The following LRRC37A2 variants were observed in gnomAD, a reference collection of about 807,000 sequenced individuals.
The protein encoded by LRRC37A2 is leucine-rich repeat-containing protein 37A2.
Under a neutral mutation model 68.8 loss-of-function variants are expected in LRRC37A2, and 9 were observed. The observed-to-expected ratio is 0.13, with a 90% CI of 0.08 to 0.23. LRRC37A2 has a LOEUF of 0.23. Among genes scored for constraint, LRRC37A2 ranks in the 10% least tolerant of loss-of-function variants. The pLI, the probability that LRRC37A2 is intolerant of heterozygous loss-of-function variation, is 1.00. For missense variants in LRRC37A2, 168 were observed against 950.4 expected (o/e 0.18, Z 10.82); for synonymous variants, 63 against 367.6 (o/e 0.17, Z 9.48).
chr17:46,779,540 G>T, the LRRC37A2 span, among the ~76,000 whole-genome samples: 57 of 152,242 alleles, frequency 3.7e-4, no homozygotes, highest in Non-Finnish European at 7.5e-4. Flanking sequence ...CAGCCAGGCG[G>T]ATGGGCTGCG....
At chr17:46,844,622 C>T in the LRRC37A2 span, among the ~76,000 whole-genome samples, 801 of 152,264 alleles carry the variant, frequency 5.3e-3, 13 homozygotes, top group African/African-American at 0.018. Context: ...CAAGATGGGA[C>T]CCCTTTCCTC....
the LRRC37A2 span, among the ~76,000 whole-genome samples, chr17:47,045,328 GC>G: frequency 6.8e-6 from 1 of 146,986 alleles, no homozygotes; most frequent in Admixed American, 6.9e-5. Flanking sequence ...CTCAGAAAAG[GC>G]CCCCCACAAC....
chr17:46,502,918 A>T, the LRRC37A2 span, among the ~76,000 whole-genome samples: 3 of 150,614 alleles, frequency 2.0e-5, no homozygotes, highest in Admixed American at 6.6e-5. Flanking sequence ...AACGTTTAAA[A>T]ATTAGTCTTC....
chr17:46,834,022 C>A, the LRRC37A2 span, among the ~76,000 whole-genome samples: 3 of 151,808 alleles, frequency 2.0e-5, no homozygotes, highest in South Asian at 6.3e-4. Context: ...ATAGTGAGAC[C>A]CTGTCTCTGC....
At chr17:46,416,986 T>C in the LRRC37A2 span, among the ~76,000 whole-genome samples, 4 of 139,076 alleles carry the variant, frequency 2.9e-5, 1 homozygote, top group African/African-American at 7.8e-5. Flanking sequence ...TAATCCCAGC[T>C]ACTTGAGAAT....
chr17:46,769,174 G>T, the LRRC37A2 span, among the ~76,000 whole-genome samples: 1 of 152,092 alleles, frequency 6.6e-6, no homozygotes, highest in Non-Finnish European at 1.5e-5. Context: ...AAAATTAGCT[G>T]GTGTGGTGGC....
chr17:46,910,339 AAAC>A, the LRRC37A2 span, among the ~76,000 whole-genome samples: 1 of 152,044 alleles, frequency 6.6e-6, no homozygotes, highest in South Asian at 2.1e-4. Flanking sequence ...CACCTGCCAA[AAAC>A]AACCTCCGCT....
chr17:46,988,971 G>C, the LRRC37A2 span, among the ~76,000 whole-genome samples: 1 of 152,156 alleles, frequency 6.6e-6, no homozygotes, highest in African/African-American at 2.4e-5. Context: ...CATAACATGT[G>C]GGGGGCACCC....
At chr17:46,971,292 G>A in the LRRC37A2 span, among the ~76,000 whole-genome samples, 2 of 152,054 alleles carry the variant, frequency 1.3e-5, no homozygotes, top group African/African-American at 2.4e-5. Context: ...AGCTGAGATC[G>A]CACTACTGCA....
chr17:46,937,348 T>G, the LRRC37A2 span: 1 of 152,224 alleles, frequency 6.6e-6, no homozygotes, highest in Non-Finnish European at 1.5e-5. Flanking sequence ...TAGGTTGGTA[T>G]CAATGATTAT....
chr17:46,915,254 G>A, the LRRC37A2 span, among the ~76,000 whole-genome samples: 2 of 152,172 alleles, frequency 1.3e-5, no homozygotes, highest in Non-Finnish European at 2.9e-5. Context: ...GGAATGGCTG[G>A]AAGACTGGAC....
the LRRC37A2 span, among the ~76,000 whole-genome samples, chr17:46,707,664 G>A: frequency 6.6e-6 from 1 of 152,040 alleles, no homozygotes; most frequent in Admixed American, 6.6e-5. Context: ...CTTATTTGAC[G>A]TAGCATAATG....
the LRRC37A2 span, among the ~76,000 whole-genome samples, chr17:46,752,302 A>T: frequency 6.6e-6 from 1 of 152,138 alleles, no homozygotes; most frequent in Admixed American, 6.5e-5. Context: ...CCATGTGCCC[A>T]TGCTGTGTCT....
At chr17:46,716,475 T>G in the LRRC37A2 span, among the ~76,000 whole-genome samples, 1 of 152,128 alleles carries the variant, frequency 6.6e-6, no homozygotes, top group African/African-American at 2.4e-5. Flanking sequence ...GCCAGGATGG[T>G]CTTGATCTCC....
At chr17:46,837,165 T>A in the LRRC37A2 span, among the ~76,000 whole-genome samples, 64 of 152,108 alleles carry the variant, frequency 4.2e-4, no homozygotes, top group Admixed American at 7.9e-4. Flanking sequence ...CTGGTCTTGA[T>A]CTCTTGACCT....
the LRRC37A2 span, among the ~76,000 whole-genome samples, chr17:46,775,461 G>A: frequency 6.6e-6 from 1 of 152,176 alleles, no homozygotes; most frequent in African/African-American, 2.4e-5. Context: ...GTCAGGGGGA[G>A]AGGCAGGTTC....
chr17:46,602,971 ATGT>A, the LRRC37A2 span, among the ~76,000 whole-genome samples: 3 of 108,684 alleles, frequency 2.8e-5, no homozygotes, highest in African/African-American at 1.2e-4. Context: ...ACTCTAAATA[ATGT>A]TGTTTATTCT....
the LRRC37A2 span, chr17:46,922,927 G>A: frequency 3.8e-4 from 217 of 568,472 alleles, no homozygotes; most frequent in African/African-American, 3.6e-3. Flanking sequence ...ACTGAATCCT[G>A]AGGCTAGCCT....
chr17:46,500,508 C>T, the LRRC37A2 span, among the ~76,000 whole-genome samples: 3 of 149,766 alleles, frequency 2.0e-5, no homozygotes, highest in African/African-American at 7.5e-5. Flanking sequence ...GTGGCACCTC[C>T]ACTTCAGTTT....
Sources: allele counts gnomAD v4.1 joint callset (sites outside exome capture counted in the v4.1 genomes callset), GRCh38; gene constraint gnomAD v4.1.1; transcripts MANE v1.5; gene names NCBI Gene and HGNC (gene_info 2026-07-23, HGNC 2026-07-21).